RNF217: variants seen among roughly 807,000 people sequenced by gnomAD.
RNF217 encodes E3 ubiquitin-protein ligase RNF217.
RNF217 carries 31 observed loss-of-function variants against 57.8 expected under a neutral mutation model. The observed-to-expected ratio is 0.54, with a 90% CI of 0.40 to 0.72. The LOEUF (loss-of-function observed/expected upper bound fraction) is 0.72. RNF217 is among the 30% of genes least tolerant of loss of function. The pLI is 0.00. For synonymous variants in RNF217, 313 were observed against 294.0 expected (o/e 1.06, Z -0.66); for missense variants, 696 against 708.3 (o/e 0.98, Z 0.20).
intron 1 of RNF217, among the ~76,000 whole-genome samples, chr6:124,995,574 T>A (rs985743945): frequency 6.6e-6 from 1 of 152,176 alleles, no homozygotes; most frequent in Non-Finnish European, 1.5e-5. Flanking sequence ...TTCATTGTTG[T>A]TTTGGAGTTT....
At chr6:124,967,759 G>A (rs1222998059) in intron 1 of RNF217, among the ~76,000 whole-genome samples, 2 of 152,040 alleles carry the variant, frequency 1.3e-5, no homozygotes, top group Non-Finnish European at 2.9e-5. Flanking sequence ...AATCTTCATG[G>A]GTAAAAGTGT....
intron 1 of RNF217, among the ~76,000 whole-genome samples, chr6:125,044,940 G>C (rs1216435726): frequency 1.3e-5 from 2 of 152,048 alleles, no homozygotes; most frequent in Non-Finnish European, 2.9e-5. Flanking sequence ...TCTTTGGTGA[G>C]CCTGTGGCTT....
intron 1 of RNF217, among the ~76,000 whole-genome samples, chr6:125,025,960 G>A (rs553122668): frequency 2.0e-5 from 3 of 152,276 alleles, no homozygotes; most frequent in African/African-American, 7.2e-5. Flanking sequence ...CTTGAAGAGG[G>A]AGGTGAAATG....
At chr6:125,068,237 T>C (rs1286968451) in intron 3 of RNF217, among the ~76,000 whole-genome samples, 2 of 152,140 alleles carry the variant, frequency 1.3e-5, no homozygotes, top group Non-Finnish European at 2.9e-5. Context: ...AGTTTTAAAA[T>C]GTAGAGTGAG....
At chr6:124,970,869 A>G (rs914022632) in intron 1 of RNF217, among the ~76,000 whole-genome samples, 3 of 152,216 alleles carry the variant, frequency 2.0e-5, no homozygotes, top group African/African-American at 4.8e-5. Context: ...TTTAAAAGGG[A>G]TAATCACATG....
chr6:125,083,818 G>A lies in RNF217; in HGVS notation c.*881G>A, dbSNP rs1232201654. 1 of 152,080 alleles carries A rather than the reference G, an allele frequency of 6.6e-6. No individual in the cohort carries two copies. Among genetic ancestry groups the A allele is most frequent in the Non-Finnish European group, 1.5e-5 (1 of 67,986 alleles). 9.4% of individuals were successfully genotyped at this position (152,080 alleles called of 1,614,324 possible). ...GTCACCCCAAGGAGTATTAAGCTTTGTAAACTGACAAAACTGGCTGCTTTT... is the reference window on the plus strand; with the variant it reads ...GTCACCCCAAGGAGTATTAAGCTTTATAAACTGACAAAACTGGCTGCTTTT... On this transcript the variant is annotated 3_prime_UTR_variant, in exon 6 of 6. Coordinates refer to ENST00000521654, the MANE Select transcript of RNF217 (RefSeq NM_001286398.3).
chr6:125,082,777 C>A lies in RNF217; in HGVS notation c.1556-87C>A, dbSNP rs524864. The A allele has an allele frequency of 1.9e-5, 22 of 1,158,052 alleles. 1 individual carries two copies. The South Asian group carries it at 2.7e-4, about 14-fold the overall frequency. 71.7% of individuals were successfully genotyped at this position (1,158,052 alleles called of 1,614,324 possible). ...GTCTTCTTCTTTGTATGTTCGTACA[C>A]TGCAAATAAATAAACATAGACATTT... is the stretch of plus-strand genomic sequence containing the variant. On this transcript the variant is annotated intron_variant, in intron 5 of 5. Coordinates refer to ENST00000521654, the MANE Select transcript of RNF217 (RefSeq NM_001286398.3).
chr6:125,073,576 A>C (rs1380214678), intron 3 of RNF217, among the ~76,000 whole-genome samples: 2 of 152,196 alleles, frequency 1.3e-5, no homozygotes, highest in Non-Finnish European at 2.9e-5. Flanking sequence ...ACCCATAGCA[A>C]GAAACATGAG....
chr6:125,057,792 A>G (rs1356186017), intron 2 of RNF217, 150 bp from the exon 3 acceptor site: 5 of 559,900 alleles, frequency 8.9e-6, no homozygotes, highest in African/African-American at 7.7e-5. Context: ...GTAACAGAGT[A>G]TTCATATCTT....
chr6:125,024,228 G>A (rs569090413), intron 1 of RNF217, among the ~76,000 whole-genome samples: 111 of 152,236 alleles, frequency 7.3e-4, no homozygotes, highest in African/African-American at 2.5e-3. Flanking sequence ...AGGGAGAGAG[G>A]AAGCAGAAGA....
chr6:125,042,373 C>T (rs1471260508), intron 1 of RNF217, among the ~76,000 whole-genome samples: 1 of 151,972 alleles, frequency 6.6e-6, no homozygotes, highest in African/African-American at 2.4e-5. Context: ...CAGCCCTCTA[C>T]AGGGGGAAGA....
chr6:125,056,308 C>G (rs1231943241), intron 2 of RNF217, among the ~76,000 whole-genome samples: 2 of 152,058 alleles, frequency 1.3e-5, no homozygotes, highest in Non-Finnish European at 2.9e-5. Context: ...CATCTGTAAA[C>G]TGATGATGTT....
chr6:125,045,374 G>T lies in RNF217; in HGVS notation c.1046G>T (p.Cys349Phe). ...IDSSTKPCPQCKHFTTFKKKG... is the reference protein window; with the variant it reads ...IDSSTKPCPQFKHFTTFKKKG... The stretch of plus-strand genomic sequence containing the variant: ...TCCAGCACCAAGCCATGTCCTCAGT[G>T]CAAGCACTTTACAACCTTCAAGAAA... The change falls in exon 2 of 6, where the codon TGC becomes TTC. Residue 349 changes from cysteine to phenylalanine, a missense_variant. Cys to Phe is a radical substitution (Grantham distance 205). Transcript: ENST00000521654. 2.5e-6 allele frequency: 4 copies of T among 1,613,420 alleles called. No individual in the cohort carries two copies. Among genetic ancestry groups the T allele is most frequent in the Non-Finnish European group, 3.4e-6 (4 of 1,179,660 alleles).
intron 1 of RNF217, chr6:125,008,683 C>T (rs915196082): frequency 6.6e-6 from 1 of 151,024 alleles, no homozygotes; most frequent in African/African-American, 2.4e-5. Flanking sequence ...ATTTCTCATC[C>T]TTTGATTGCC....
chr6:124,964,087 TTCC>T (rs1485386889), intron 1 of RNF217, among the ~76,000 whole-genome samples: 1 of 152,202 alleles, frequency 6.6e-6, no homozygotes, highest in Non-Finnish European at 1.5e-5. Context: ...TGGTGAAACT[TTCC>T]TCCTCTGCTT....
intron 4 of RNF217, 79 bp from the exon 5 acceptor site, chr6:125,081,357 G>A: frequency 1.0e-6 from 1 of 988,890 alleles, no homozygotes; most frequent in Non-Finnish European, 1.6e-6. Context: ...ATACACTGTG[G>A]TATTTAAAAA....
intron 1 of RNF217, among the ~76,000 whole-genome samples, chr6:125,032,269 T>C (rs571901742): frequency 6.6e-6 from 1 of 152,242 alleles, no homozygotes; most frequent in East Asian, 1.9e-4. Context: ...TGCAAAGATA[T>C]GGGATAGAAA....
intron 2 of RNF217, chr6:125,048,150 A>C: frequency 1.5e-6 from 2 of 1,304,274 alleles, no homozygotes; most frequent in Non-Finnish European, 2.0e-6. Context: ...TGGGTATTAT[A>C]GGTAAGGAGA....
intron 1 of RNF217, among the ~76,000 whole-genome samples, chr6:125,005,802 TTTTGTATAGA>T (rs1371239979): frequency 6.6e-6 from 1 of 152,150 alleles, no homozygotes; most frequent in Non-Finnish European, 1.5e-5. Flanking sequence ...TTAAATATGG[TTTTGTATAGA>T]ACATAAGGTA....
Sources: allele counts gnomAD v4.1 joint callset (sites outside exome capture counted in the v4.1 genomes callset), GRCh38; gene constraint gnomAD v4.1.1; transcripts MANE v1.5; gene names NCBI Gene and HGNC (gene_info 2026-07-23, HGNC 2026-07-21).